Variants in DLG2 observed in about 807,000 individuals in gnomAD.
DLG2 encodes the protein disks large homolog 2.
A neutral mutation model predicts 132.5 loss-of-function variants in DLG2; 45 were observed. That is an observed-to-expected ratio of 0.34 (90% CI 0.27 to 0.44). The LOEUF is 0.44. DLG2 is among the 20% of genes least tolerant of loss of function. DLG2 has a pLI of 1.00. For synonymous variants in DLG2, 424 were observed against 419.6 expected (o/e 1.01, Z -0.13); for missense variants, 1,045 against 1,196.9 (o/e 0.87, Z 1.87).
rs577627070 is a variant in DLG2 at position 84,239,110 on chromosome 11, GA to G, written c.573+12127del. Among the ~76,000 whole-genome samples, 553 of 152,160 alleles carry G rather than the reference GA, an allele frequency of 3.6e-3. 1 individual carries two copies. Among genetic ancestry groups the G allele is most frequent in the African/African-American group, 0.013 (527 of 41,500 alleles). On this transcript the variant is annotated intron_variant, in intron 8 of 27. Coordinates refer to ENST00000376104, the MANE Select transcript of DLG2 (RefSeq NM_001142699.3). ...CAAATAAACAATTGAGTGTAACATT[GA>G]AAAAAACTTTTATTGAAATCCCACT...
chr11:84,891,375 G>C (rs1566286238), intron 6 of DLG2, among the ~76,000 whole-genome samples: 1 of 151,890 alleles, frequency 6.6e-6, no homozygotes, highest in Non-Finnish European at 1.5e-5. Context: ...TTGTAATAAG[G>C]ATAAATATTA....
chr11:85,187,147 G>T (rs1169966424), intron 4 of DLG2, among the ~76,000 whole-genome samples: 1 of 152,014 alleles, frequency 6.6e-6, no homozygotes, highest in Non-Finnish European at 1.5e-5. Flanking sequence ...TGGCAATACT[G>T]AATATTACTA....
At chr11:83,583,381 G>A (rs2097018687) in intron 19 of DLG2, among the ~76,000 whole-genome samples, 2 of 152,126 alleles carry the variant, frequency 1.3e-5, no homozygotes, top group South Asian at 4.1e-4. Flanking sequence ...GCCCTTCACT[G>A]TACTTTTGGT....
intron 9 of DLG2, among the ~76,000 whole-genome samples, chr11:84,126,848 C>A (rs1595773240): frequency 6.6e-6 from 1 of 152,156 alleles, no homozygotes. Context: ...AATAGAATGT[C>A]TGTCTAGTTA....
chr11:84,545,679 T>C, intron 6 of DLG2: 1 of 287,124 alleles, frequency 3.5e-6, no homozygotes, highest in Non-Finnish European at 6.8e-6. Context: ...TGCTTGCCAC[T>C]GCCTCGGTCA....
intron 16 of DLG2, among the ~76,000 whole-genome samples, chr11:83,860,778 T>C (rs1019933046): frequency 1.3e-5 from 2 of 152,156 alleles, no homozygotes; most frequent in African/African-American, 4.8e-5. Context: ...CTAAATCTCA[T>C]CTTGAATTCC....
chr11:83,687,388 A>G (rs2079992779), intron 18 of DLG2, among the ~76,000 whole-genome samples: 1 of 152,032 alleles, frequency 6.6e-6, no homozygotes, highest in Admixed American at 6.6e-5. Context: ...CAAAATCTGT[A>G]CCGCTTCAAA....
At chr11:84,977,826 A>G (rs2055136173) in intron 6 of DLG2, among the ~76,000 whole-genome samples, 1 of 152,152 alleles carries the variant, frequency 6.6e-6, no homozygotes, top group South Asian at 2.1e-4. Context: ...GGGTGCCATG[A>G]TGGAGATTTG....
intron 4 of DLG2, among the ~76,000 whole-genome samples, chr11:85,174,843 T>C (rs1024491585): frequency 5.3e-5 from 8 of 152,028 alleles, no homozygotes; most frequent in Admixed American, 5.2e-4. Flanking sequence ...AACACCTCTA[T>C]GCACATCAAC....
At chr11:84,641,871 A>G (rs2099666812) in intron 6 of DLG2, among the ~76,000 whole-genome samples, 1 of 151,808 alleles carries the variant, frequency 6.6e-6, no homozygotes, top group South Asian at 2.1e-4. Context: ...AGAGGAAGTA[A>G]AAATGTCCAT....
intron 7 of DLG2, among the ~76,000 whole-genome samples, chr11:84,481,361 T>C (rs2099137144): frequency 6.6e-6 from 1 of 152,194 alleles, no homozygotes; most frequent in African/African-American, 2.4e-5. Context: ...AGTCTTCTTT[T>C]ACCCAGAGGC....
chr11:84,079,642 C>T (rs936801828), intron 10 of DLG2, among the ~76,000 whole-genome samples: 2 of 152,170 alleles, frequency 1.3e-5, no homozygotes, highest in African/African-American at 4.8e-5. Flanking sequence ...AGCCAGACTT[C>T]CATGGCAGAG....
At chr11:83,593,072 G>A (rs1489330896) in intron 19 of DLG2, among the ~76,000 whole-genome samples, 1 of 88,564 alleles carries the variant, frequency 1.1e-5, no homozygotes, top group African/African-American at 4.9e-5. Flanking sequence ...CAACCATTGT[G>A]GAAGTCAGTG....
intron 7 of DLG2, among the ~76,000 whole-genome samples, chr11:84,432,369 T>A (rs114791672): frequency 9.9e-4 from 150 of 152,244 alleles, no homozygotes; most frequent in African/African-American, 3.5e-3. Flanking sequence ...AGAGGCCATA[T>A]CATGATGGGT....
At chr11:84,346,575 C>T (rs2098540086) in intron 7 of DLG2, among the ~76,000 whole-genome samples, 1 of 152,180 alleles carries the variant, frequency 6.6e-6, no homozygotes, top group Non-Finnish European at 1.5e-5. Flanking sequence ...AATCTGGAGA[C>T]TGCAGTTTTC....
At chr11:84,273,384 T>C in intron 7 of DLG2, 1 of 1,283,802 alleles carries the variant, frequency 7.8e-7, no homozygotes, top group Non-Finnish European at 9.9e-7. Context: ...CAAACTGCTA[T>C]CTTAAGACTT....
At chr11:83,850,625 G>A (rs1040581224) in intron 16 of DLG2, among the ~76,000 whole-genome samples, 1 of 152,232 alleles carries the variant, frequency 6.6e-6, no homozygotes, top group Non-Finnish European at 1.5e-5. Context: ...TAGCAGGGGT[G>A]TGGTGGAGAC....
intron 19 of DLG2, among the ~76,000 whole-genome samples, chr11:83,608,456 T>G (rs572203523): frequency 6.6e-6 from 1 of 152,232 alleles, no homozygotes; most frequent in Non-Finnish European, 1.5e-5. Context: ...CCCAAAAAGT[T>G]TTGGATTTTG....
chr11:85,406,613 A>G (rs1349319415), intron 3 of DLG2, among the ~76,000 whole-genome samples: 4 of 151,920 alleles, frequency 2.6e-5, no homozygotes. Flanking sequence ...AGAGTCAGAA[A>G]AACTATTTGA....
Sources: allele counts gnomAD v4.1 joint callset (sites outside exome capture counted in the v4.1 genomes callset), GRCh38; gene constraint gnomAD v4.1.1; transcripts MANE v1.5; gene names NCBI Gene and HGNC (gene_info 2026-07-23, HGNC 2026-07-21).